The following ENPP6 variants were observed in gnomAD, a reference collection of about 807,000 sequenced individuals.
ENPP6 encodes ectonucleotide pyrophosphatase/phosphodiesterase 6, also known as glycerophosphocholine cholinephosphodiesterase ENPP6.
A neutral mutation model predicts 42.0 loss-of-function variants in ENPP6; 32 were observed. The ratio of observed to expected loss-of-function variants is 0.76; its 90% CI spans 0.58 to 1.02. The LOEUF is 1.02. Among genes scored for constraint, ENPP6 ranks in the 50% least tolerant of loss-of-function variants. The probability of loss-of-function intolerance (pLI) is 0.00; values close to 1 mark genes in which losing one functional copy is unlikely to be tolerated. For synonymous variants in ENPP6, 213 were observed against 216.0 expected (o/e 0.99, Z 0.12); for missense variants, 552 against 566.8 (o/e 0.97, Z 0.27).
chr4:184,137,535 T>C (rs1736750073), intron 2 of ENPP6, among the ~76,000 whole-genome samples: 1 of 152,232 alleles, frequency 6.6e-6, no homozygotes, highest in African/African-American at 2.4e-5. Flanking sequence ...TAACAGGATA[T>C]GTAGTTATCT....
intron 5 of ENPP6, among the ~76,000 whole-genome samples, chr4:184,115,801 C>T (rs1000242606): frequency 6.6e-6 from 1 of 152,198 alleles, no homozygotes; most frequent in Non-Finnish European, 1.5e-5. Context: ...TCTTTACCCT[C>T]TTGTTCCCCG....
At chr4:184,161,165 C>G (rs2111084090) in intron 1 of ENPP6, among the ~76,000 whole-genome samples, 1 of 151,806 alleles carries the variant, frequency 6.6e-6, no homozygotes, top group Admixed American at 6.6e-5. Flanking sequence ...GACTGATGAC[C>G]AGAATCTACA....
intron 2 of ENPP6, among the ~76,000 whole-genome samples, chr4:184,151,092 C>T (rs1365994848): frequency 6.6e-6 from 1 of 152,224 alleles, no homozygotes; most frequent in South Asian, 2.1e-4. Flanking sequence ...AATCCCAGCA[C>T]TTTGGGAGGC....
At chr4:184,174,877 T>C (rs569526639) in intron 1 of ENPP6, among the ~76,000 whole-genome samples, 48 of 152,340 alleles carry the variant, frequency 3.2e-4, no homozygotes, top group African/African-American at 1.1e-3. Context: ...TCTTAAAATG[T>C]GGGAGATGGA....
intron 6 of ENPP6, among the ~76,000 whole-genome samples, chr4:184,108,893 G>C (rs1315771667): frequency 6.6e-6 from 1 of 152,208 alleles, no homozygotes; most frequent in Non-Finnish European, 1.5e-5. Context: ...GTTCCATTTT[G>C]TTTGGCTGTA....
intron 6 of ENPP6, among the ~76,000 whole-genome samples, chr4:184,101,798 C>T (rs1054394279): frequency 3.3e-5 from 5 of 152,222 alleles, no homozygotes; most frequent in Admixed American, 2.0e-4. Context: ...GACCCCTCCT[C>T]TAGACAGGGG....
At chr4:184,217,272 A>G (rs1182869497) in intron 1 of ENPP6, among the ~76,000 whole-genome samples, 1 of 152,184 alleles carries the variant, frequency 6.6e-6, no homozygotes. Flanking sequence ...TATGAGCCTC[A>G]TTAGAATTTC....
chr4:184,145,091 C>A (rs1259074939), intron 2 of ENPP6, among the ~76,000 whole-genome samples: 2 of 152,194 alleles, frequency 1.3e-5, no homozygotes, highest in African/African-American at 4.8e-5. Context: ...GAAGGGCCTT[C>A]CCGCATTCAT....
rs1327340292 is a variant in ENPP6 at position 184,131,192 on chromosome 4, TCTTTCTTTC to T, written c.422-6929_422-6921del. Reference sequence around the variant, plus strand: ...TTCTTTCTTTCTTTCTTTCTTTCTTTCTTTCTTTCTTCTTTCTTTCTTTCTTTTTCTTTC... The same window carrying T: ...TTCTTTCTTTCTTTCTTTCTTTCTTTTTCTTTCTTTCTTTCTTTTTCTTTC... On this transcript the variant is annotated intron_variant, in intron 2 of 7. Coordinates refer to ENST00000296741, the MANE Select transcript of ENPP6 (RefSeq NM_153343.4). Among the ~76,000 whole-genome samples the T allele has an allele frequency of 9.6e-3, 567 of 58,900 alleles. 18 individuals carry two copies. The highest frequency in any genetic ancestry group is 0.027 in the South Asian group (48 of 1,776). The allele number at this position is 58,900 out of a possible 152,430, so 38.6% of individuals were successfully genotyped here.
At position 184,192,318 on chromosome 4, in the gene ENPP6, A is replaced by G. The variant is rs184707494; in HGVS notation, c.241+25261T>C. ...ATTGGAATAAAATTGAGAGCCCAAG[A>G]ATAATCTCTAATATTTATGATCAAT... On this transcript the variant is annotated intron_variant, in intron 1 of 7. Coordinates refer to ENST00000296741, the MANE Select transcript of ENPP6 (RefSeq NM_153343.4). Among the ~76,000 whole-genome samples the G allele has an allele frequency of 2.6e-4, 39 of 152,398 alleles. No homozygotes were observed. The East Asian group carries it at 7.3e-3, about 29-fold the overall frequency.
intron 1 of ENPP6, among the ~76,000 whole-genome samples, chr4:184,178,320 GA>G (rs1300088937): frequency 6.6e-6 from 1 of 152,046 alleles, no homozygotes; most frequent in East Asian, 1.9e-4. Context: ...CAAGATTAGA[GA>G]AAAAAGAATG....
intron 2 of ENPP6, among the ~76,000 whole-genome samples, chr4:184,131,815 A>ACACACG (rs1183557635): frequency 2.1e-5 from 3 of 141,206 alleles, no homozygotes; most frequent in Non-Finnish European, 4.4e-5. Context: ...ACACACACAC[A>ACACACG]CACACACACA....
chr4:184,207,240 C>T (rs1455090339), intron 1 of ENPP6, among the ~76,000 whole-genome samples: 4 of 152,214 alleles, frequency 2.6e-5, no homozygotes, highest in Non-Finnish European at 2.9e-5. Flanking sequence ...AGACTGGCTT[C>T]CCCGCTACTC....
chr4:184,160,834 T>C (rs1737246885), intron 1 of ENPP6, among the ~76,000 whole-genome samples: 1 of 152,124 alleles, frequency 6.6e-6, no homozygotes, highest in African/African-American at 2.4e-5. Context: ...ATATGTTGTC[T>C]AGAAATGTAG....
At chr4:184,208,919 T>TCCCTGAC (rs1227953961) in intron 1 of ENPP6, among the ~76,000 whole-genome samples, 3 of 143,924 alleles carry the variant, frequency 2.1e-5, no homozygotes, top group Non-Finnish European at 4.6e-5. Context: ...CTCAAGTGGG[T>TCCCTGAC]CCCTGACCCC....
intron 1 of ENPP6, among the ~76,000 whole-genome samples, chr4:184,157,629 C>G (rs960172802): frequency 7.0e-6 from 1 of 142,212 alleles, no homozygotes; most frequent in Non-Finnish European, 1.5e-5. Flanking sequence ...TTCTCTCTTT[C>G]TTCTTCCTGA....
At chr4:184,163,393 G>T (rs1019427862) in intron 1 of ENPP6, among the ~76,000 whole-genome samples, 1 of 152,178 alleles carries the variant, frequency 6.6e-6, no homozygotes, top group Non-Finnish European at 1.5e-5. Context: ...GGGTGAAGAA[G>T]TAAAGGGAAC....
intron 1 of ENPP6, among the ~76,000 whole-genome samples, chr4:184,163,013 T>G (rs2111085752): frequency 6.6e-6 from 1 of 152,212 alleles, no homozygotes; most frequent in East Asian, 1.9e-4. Flanking sequence ...TCCCTCAAGG[T>G]CACCTGCTGA....
chr4:184,206,753 A>C (rs1039183461), intron 1 of ENPP6, among the ~76,000 whole-genome samples: 9 of 152,202 alleles, frequency 5.9e-5, no homozygotes, highest in Admixed American at 5.2e-4. Context: ...TTTGTGTCAC[A>C]GGTGATTTCT....
Sources: gnomAD v4.1 joint callset for allele counts (sites outside exome capture counted in the v4.1 genomes callset) on GRCh38, gnomAD v4.1.1 for gene constraint, MANE v1.5 for transcripts, NCBI Gene and HGNC (gene_info 2026-07-23, HGNC 2026-07-21) for gene names.